The following GALNT13 variants were observed in gnomAD, a reference collection of about 807,000 sequenced individuals.
The protein encoded by GALNT13 is UDP-GalNAc:polypeptide N-acetylgalactosaminyltransferase 13.
In GALNT13, 28 loss-of-function variants were observed where a neutral mutation model predicts 64.2. The ratio of observed to expected loss-of-function variants is 0.44; its 90% CI spans 0.32 to 0.60. The LOEUF (loss-of-function observed/expected upper bound fraction) is 0.60, where lower values mean the gene tolerates loss of function less well. Among genes scored for constraint, GALNT13 ranks in the 20% least tolerant of loss-of-function variants. GALNT13 has a pLI of 0.05. For synonymous variants in GALNT13, 214 were observed against 224.6 expected, an observed-to-expected ratio of 0.95 and a Z score of 0.42; for missense variants, 577 against 669.8, an observed-to-expected ratio of 0.86 and a Z score of 1.53.
At chr2:153,561,509 T>C in the GALNT13 span, among the ~76,000 whole-genome samples, 1 of 152,134 alleles carries the variant, frequency 6.6e-6, no homozygotes, top group African/African-American at 2.4e-5. Flanking sequence ...TTGATGTGTT[T>C]TGACTGTGAC....
At chr2:153,951,711 G>A (rs1355285791) in intron 3 of GALNT13, among the ~76,000 whole-genome samples, 1 of 152,096 alleles carries the variant, frequency 6.6e-6, no homozygotes, top group African/African-American at 2.4e-5. Context: ...GCTCTGAAAG[G>A]AACTGTTCAG....
At chr2:154,260,770 G>C (rs1020225226) in intron 8 of GALNT13, among the ~76,000 whole-genome samples, 5 of 152,086 alleles carry the variant, frequency 3.3e-5, no homozygotes, top group Non-Finnish European at 5.9e-5. Flanking sequence ...GAAATAATTT[G>C]CTTCTATTCT....
chr2:153,506,933 T>G, the GALNT13 span, among the ~76,000 whole-genome samples: 3 of 152,188 alleles, frequency 2.0e-5, no homozygotes, highest in African/African-American at 7.2e-5. Context: ...CTCAAACATG[T>G]TTTCCAGACT....
chr2:153,320,929 C>G, the GALNT13 span, among the ~76,000 whole-genome samples: 1 of 152,138 alleles, frequency 6.6e-6, no homozygotes, highest in Non-Finnish European at 1.5e-5. Flanking sequence ...CTCTAACCTC[C>G]CACCTCATCA....
At chr2:153,602,471 A>C in the GALNT13 span, among the ~76,000 whole-genome samples, 3 of 148,004 alleles carry the variant, frequency 2.0e-5, no homozygotes, top group Non-Finnish European at 4.5e-5. Flanking sequence ...ATAATACCCT[A>C]CTGGGAAGGG....
At chr2:153,664,835 C>T in the GALNT13 span, among the ~76,000 whole-genome samples, 73 of 152,270 alleles carry the variant, frequency 4.8e-4, 1 homozygote, top group South Asian at 0.015. Context: ...ACAACTAATC[C>T]ACCTAGCCCA....
chr2:153,576,849 G>A, the GALNT13 span, among the ~76,000 whole-genome samples: 1 of 151,686 alleles, frequency 6.6e-6, no homozygotes, highest in Non-Finnish European at 1.5e-5. Context: ...TATTCTCGAT[G>A]GTCTCTTTTG....
intron 9 of GALNT13, among the ~76,000 whole-genome samples, chr2:154,343,488 A>G (rs970945921): frequency 1.1e-4 from 16 of 152,078 alleles, no homozygotes; most frequent in African/African-American, 3.6e-4. Context: ...TAAGACTACT[A>G]TTATACAATA....
At chr2:153,544,096 G>C in the GALNT13 span, among the ~76,000 whole-genome samples, 4 of 152,188 alleles carry the variant, frequency 2.6e-5, no homozygotes, top group East Asian at 1.9e-4. Context: ...TCCTCTGCCT[G>C]GTGATCGATC....
chr2:153,259,610 A>G, the GALNT13 span, among the ~76,000 whole-genome samples: 1 of 152,096 alleles, frequency 6.6e-6, no homozygotes, highest in African/African-American at 2.4e-5. Flanking sequence ...AATAAATCTT[A>G]TGAGATCTAT....
the GALNT13 span, among the ~76,000 whole-genome samples, chr2:153,230,880 G>C: frequency 6.6e-6 from 1 of 152,136 alleles, no homozygotes; most frequent in East Asian, 1.9e-4. Context: ...AAATCCACAA[G>C]ATAAGCTGCC....
At chr2:153,970,637 A>AT (rs1214495157) in intron 3 of GALNT13, among the ~76,000 whole-genome samples, 1 of 152,130 alleles carries the variant, frequency 6.6e-6, no homozygotes, top group African/African-American at 2.4e-5. Flanking sequence ...CTTACTTGAT[A>AT]TATCTTTTTG....
intron 12 of GALNT13, among the ~76,000 whole-genome samples, chr2:154,448,331 G>A (rs1448920973): frequency 6.6e-6 from 1 of 152,010 alleles, no homozygotes; most frequent in African/African-American, 2.4e-5. Context: ...AAGGTTGCCA[G>A]GGGATTACAG....
chr2:153,408,261 G>A, the GALNT13 span, among the ~76,000 whole-genome samples: 10 of 151,164 alleles, frequency 6.6e-5, no homozygotes, highest in Non-Finnish European at 1.5e-4. Flanking sequence ...TGCCAATAGA[G>A]GAAGAGTGGA....
At chr2:153,276,226 TC>T in the GALNT13 span, among the ~76,000 whole-genome samples, 1 of 152,132 alleles carries the variant, frequency 6.6e-6, no homozygotes, top group South Asian at 2.1e-4. Flanking sequence ...TTCAAGTTTT[TC>T]ACTTGCGTTT....
At chr2:153,880,726 A>G (rs1686724900) in intron 1 of GALNT13, among the ~76,000 whole-genome samples, 1 of 152,114 alleles carries the variant, frequency 6.6e-6, no homozygotes, top group South Asian at 2.1e-4. Context: ...TATGGTGCAG[A>G]TTTTATTCAT....
chr2:153,480,932 T>A, the GALNT13 span, among the ~76,000 whole-genome samples: 3 of 152,208 alleles, frequency 2.0e-5, no homozygotes, highest in Non-Finnish European at 4.4e-5. Context: ...TGAATCATTA[T>A]CAGAATTTGA....
intron 3 of GALNT13, among the ~76,000 whole-genome samples, chr2:154,007,177 T>C (rs1302209842): frequency 6.6e-6 from 1 of 152,228 alleles, no homozygotes; most frequent in Non-Finnish European, 1.5e-5. Flanking sequence ...TAGGGCCCTG[T>C]GGCGAGGCAC....
chr2:154,034,076 A>G (rs1212132460), intron 3 of GALNT13, among the ~76,000 whole-genome samples: 3 of 152,214 alleles, frequency 2.0e-5, no homozygotes, highest in Non-Finnish European at 2.9e-5. Flanking sequence ...GTAGTTTCTT[A>G]TAAAGTTAAA....
Sources: gnomAD v4.1 joint callset for allele counts (sites outside exome capture counted in the v4.1 genomes callset) on GRCh38, gnomAD v4.1.1 for gene constraint, MANE v1.5 for transcripts, NCBI Gene and HGNC (gene_info 2026-07-23, HGNC 2026-07-21) for gene names.